Variants in C3orf52 observed in about 807,000 individuals in gnomAD.
The protein encoded by C3orf52 is chromosome 3 open reading frame 52, also known as TPA-induced transmembrane protein.
In C3orf52, 22 loss-of-function variants were observed where a neutral mutation model predicts 24.8. That is an observed-to-expected ratio of 0.89 (90% CI 0.63 to 1.27). The LOEUF (loss-of-function observed/expected upper bound fraction) is 1.27. Ranked by LOEUF, C3orf52 falls within the 50% of genes most tolerant of loss-of-function variation. C3orf52 has a pLI of 0.00. For missense variants in C3orf52, 265 were observed against 260.7 expected (o/e 1.02, Z -0.11); for synonymous variants, 93 against 100.2 (o/e 0.93, Z 0.43).
rs1473528418 is a variant in C3orf52 at position 112,123,720 on chromosome 3, T to C, written c.*46+4158T>C. The C allele has an allele frequency of 5.6e-6, 9 of 1,613,994 alleles. No individual in the cohort carries two copies. In the South Asian group the frequency reaches 8.8e-5, roughly 16 times the overall value. On this transcript the variant is annotated intron_variant, in intron 4 of 4. Transcript: ENST00000480282. The stretch of plus-strand genomic sequence containing the variant: ...TGATGGCCTTGTACAGAGAACCCGA[T>C]GATTGATGAGGGTATAGCACAGCTC...
downstream of C3orf52, among the ~76,000 whole-genome samples, chr3:112,118,628 A>C (rs1425876915): frequency 6.6e-6 from 1 of 152,238 alleles, no homozygotes; most frequent in Admixed American, 6.5e-5. Context: ...ATGGTATGGG[A>C]AAAAACTAAC....
chr3:112,120,251 A>G (rs889053571), downstream of C3orf52, among the ~76,000 whole-genome samples: 2 of 152,170 alleles, frequency 1.3e-5, no homozygotes, highest in African/African-American at 2.4e-5. Flanking sequence ...GAACAGAGAT[A>G]AGTGGAAACA....
At chr3:112,123,557 T>C in intron 4 of C3orf52, 1 of 1,614,202 alleles carries the variant, frequency 6.2e-7, no homozygotes, top group Non-Finnish European at 8.5e-7. Context: ...CATATTCATC[T>C]TCTGGGGATC....
chr3:112,126,120 G>C (rs181178670), intron 4 of C3orf52, among the ~76,000 whole-genome samples: 3 of 152,148 alleles, frequency 2.0e-5, no homozygotes, highest in Non-Finnish European at 4.4e-5. Context: ...TCAGCATAGA[G>C]TTTTAGCATC....
chr3:112,116,721 T>C lies in C3orf52; in HGVS notation c.*75T>C, dbSNP rs1355777782. 2 of 1,564,092 alleles carry C rather than the reference T, an allele frequency of 1.3e-6. No homozygotes were observed. The highest frequency in any genetic ancestry group is 4.7e-5 in the East Asian group (2 of 42,686). On this transcript the variant is annotated 3_prime_UTR_variant, in exon 6 of 6. Coordinates refer to ENST00000264848, the MANE Select transcript of C3orf52 (RefSeq NM_024616.3). Reference sequence around the variant, plus strand: ...GAGATGAAGGGAATTCACTCTGTTTTGCAGAAAAGATTCTGTGGATTAATA... The same window carrying C: ...GAGATGAAGGGAATTCACTCTGTTTCGCAGAAAAGATTCTGTGGATTAATA...
chr3:112,091,930 G>A (rs1231225747), intron 1 of C3orf52, among the ~76,000 whole-genome samples: 1 of 152,092 alleles, frequency 6.6e-6, no homozygotes, highest in African/African-American at 2.4e-5. Flanking sequence ...CGTGAACCCG[G>A]GAGGCGGAGC....
downstream of C3orf52, chr3:112,121,619 T>C (rs905644490): frequency 1.3e-5 from 2 of 152,202 alleles, no homozygotes; most frequent in Non-Finnish European, 2.9e-5. Flanking sequence ...TAACTGAATA[T>C]TTCCTTTTGA....
At chr3:112,089,847 C>T (rs987872539) in intron 1 of C3orf52, among the ~76,000 whole-genome samples, 2 of 152,022 alleles carry the variant, frequency 1.3e-5, no homozygotes, top group Admixed American at 6.6e-5. Context: ...TGTAAATATC[C>T]GGGGAATGTT....
Position 112,102,921 on chromosome 3 carries a change from G to A in C3orf52, c.352G>A (p.Glu118Lys), listed in dbSNP as rs1192998155. The change falls in exon 3 of 6, where the codon GAG becomes AAG. Residue 118 changes from glutamate to lysine, a missense_variant. Coordinates refer to ENST00000264848, the MANE Select transcript of C3orf52 (RefSeq NM_024616.3). Reference sequence around the variant, plus strand: ...CTTCATCATGCTGAAGATTCCAGAGGAGTGTGTTGCTGAAGAGGAATTGCC... The same window carrying A: ...CTTCATCATGCTGAAGATTCCAGAGAAGTGTGTTGCTGAAGAGGAATTGCC... ...TFFIMLKIPE[E>K]CVAEEELPHL... 1.2e-6 allele frequency: 2 copies of A among 1,611,684 alleles called. No individual in the cohort carries two copies. Among genetic ancestry groups the A allele is most frequent in the African/African-American group, 2.7e-5 (2 of 75,012 alleles).
chr3:112,120,070 CAGG>C (rs1184651399), downstream of C3orf52, among the ~76,000 whole-genome samples: 1 of 152,196 alleles, frequency 6.6e-6, no homozygotes. Flanking sequence ...CCTCAGACTG[CAGG>C]AGGCTTTCTA....
intron 4 of C3orf52, 179 bp from the exon 5 acceptor site, chr3:112,112,784 GA>G (rs1344520620): frequency 5.9e-6 from 4 of 681,324 alleles, no homozygotes; most frequent in South Asian, 1.6e-5. Flanking sequence ...AACTTTTTGT[GA>G]TGAATCTATG....
At chr3:112,089,193 T>G (rs1463269304) in intron 1 of C3orf52, among the ~76,000 whole-genome samples, 1 of 152,188 alleles carries the variant, frequency 6.6e-6, no homozygotes, top group Non-Finnish European at 1.5e-5. Flanking sequence ...ATCATTTGAA[T>G]AATAACAAAC....
chr3:112,087,204 C>T (rs1223413584), intron 1 of C3orf52, among the ~76,000 whole-genome samples: 1 of 152,032 alleles, frequency 6.6e-6, no homozygotes, highest in Non-Finnish European at 1.5e-5. Flanking sequence ...GTGAACTTGC[C>T]CTGCTCAATT....
At chr3:112,110,191 G>C (rs755535708) in intron 4 of C3orf52, among the ~76,000 whole-genome samples, 2 of 152,096 alleles carry the variant, frequency 1.3e-5, no homozygotes, top group African/African-American at 2.4e-5. Flanking sequence ...TTAGCCAGGT[G>C]TGTTGGTGGG....
rs554708914 is a variant in C3orf52 at position 112,094,058 on chromosome 3, G to A, written c.268+569G>A. The stretch of plus-strand genomic sequence containing the variant: ...CACCCAGGCTAGAGTGCAGTGGCAC[G>A]ACTTTGGCTCGCTGCAACCTCTGCC... On this transcript the variant is annotated intron_variant, in intron 2 of 5. Coordinates refer to ENST00000264848, the MANE Select transcript of C3orf52 (RefSeq NM_024616.3). Among the ~76,000 whole-genome samples, 18 of 152,034 alleles carry A rather than the reference G, an allele frequency of 1.2e-4. No homozygotes were observed. The South Asian group carries it at 1.2e-3, about 11-fold the overall frequency.
intron 4 of C3orf52, chr3:112,123,354 G>A: frequency 5.2e-6 from 8 of 1,530,718 alleles, no homozygotes; most frequent in South Asian, 1.3e-5. Flanking sequence ...TGTTGTGGGA[G>A]ATAAGCTGGA....
At chr3:112,099,307 A>G (rs2073951671) in intron 2 of C3orf52, among the ~76,000 whole-genome samples, 1 of 152,156 alleles carries the variant, frequency 6.6e-6, no homozygotes, top group African/African-American at 2.4e-5. Context: ...AGATTTCAAC[A>G]TATGCATTTT....
At chr3:112,114,974 G>C (rs2074121724) in intron 5 of C3orf52, among the ~76,000 whole-genome samples, 1 of 152,206 alleles carries the variant, frequency 6.6e-6, no homozygotes, top group East Asian at 1.9e-4. Context: ...AAGACCCTGA[G>C]CTTGGCCAAA....
chr3:112,111,025 A>G (rs1453101900), intron 4 of C3orf52, among the ~76,000 whole-genome samples: 1 of 152,226 alleles, frequency 6.6e-6, no homozygotes, highest in East Asian at 1.9e-4. Context: ...CCTGGCCAAC[A>G]TGGTGAAACC....
Sources: gnomAD v4.1 joint callset for allele counts (sites outside exome capture counted in the v4.1 genomes callset) on GRCh38, gnomAD v4.1.1 for gene constraint, MANE v1.5 for transcripts, NCBI Gene and HGNC (gene_info 2026-07-23, HGNC 2026-07-21) for gene names.